Variants in PCNT observed in about 807,000 individuals in gnomAD.
PCNT encodes the protein pericentrin.
In PCNT, 319 loss-of-function variants were observed where a neutral mutation model predicts 380.4. That is an observed-to-expected ratio of 0.84 (90% CI 0.77 to 0.92). The LOEUF (loss-of-function observed/expected upper bound fraction) is 0.92, where lower values mean the gene tolerates loss of function less well. PCNT is among the 40% of genes least tolerant of loss of function. The probability of loss-of-function intolerance (pLI) is 0.00; values close to 1 mark genes in which losing one functional copy is unlikely to be tolerated. For missense variants in PCNT, 4,400 were observed against 4,255.3 expected (o/e 1.03, Z -0.95); for synonymous variants, 1,845 against 1,735.2 (o/e 1.06, Z -1.57).
At chr21:46,353,737 TGTGTGTGTGTGTGTGA>T (rs1402852887) in intron 10 of PCNT, among the ~76,000 whole-genome samples, 7 of 137,494 alleles carry the variant, frequency 5.1e-5, no homozygotes, top group African/African-American at 1.6e-4. Flanking sequence ...TGTGTGTGTG[TGTGTGTGTGTGTGTGA>T]GAGAGACAGA....
intron 1 of PCNT, among the ~76,000 whole-genome samples, chr21:46,325,703 C>T (rs1006090866): frequency 2.6e-5 from 4 of 152,134 alleles, no homozygotes; most frequent in African/African-American, 7.2e-5. Context: ...GATGTGGGAT[C>T]GATCGCATAC....
chr21:46,324,854 C>G (rs1393207155), intron 1 of PCNT: 1 of 984,994 alleles, frequency 1.0e-6, no homozygotes, highest in African/African-American at 1.7e-5. Context: ...TTCGCCTCGT[C>G]CGTCGGAGAT....
At chr21:46,377,594 G>A (rs1034887807) in intron 15 of PCNT, among the ~76,000 whole-genome samples, 1 of 152,136 alleles carries the variant, frequency 6.6e-6, no homozygotes, top group African/African-American at 2.4e-5. Context: ...GAAACCCCCA[G>A]TGGCTCGTGC....
intron 21 of PCNT, among the ~76,000 whole-genome samples, chr21:46,393,449 C>T (rs1001026993): frequency 3.3e-5 from 5 of 152,038 alleles, no homozygotes; most frequent in South Asian, 2.1e-4. Flanking sequence ...CTCTGCTGTC[C>T]GGGGGCAGCC....
chr21:46,346,751 T>C lies in PCNT; in HGVS notation c.729T>C (p.His243=). 6.3e-7 allele frequency: 1 copy of C among 1,598,006 alleles called. No homozygotes were observed. The highest frequency in any genetic ancestry group is 8.5e-7 in the Non-Finnish European group (1 of 1,173,488). ...CCTTTTCTCCGCCGCAGGCCGTGCATGGCCTTGAGCTGGAGGCGCTGCGCC... is the reference window on the plus strand; with the variant it reads ...CCTTTTCTCCGCCGCAGGCCGTGCACGGCCTTGAGCTGGAGGCGCTGCGCC... ...EAGLHQSQAV[H]GLELEALRLS... Residue 243 remains histidine (H), a synonymous_variant, in exon 5 of 47, where the codon CAT becomes CAC. Coordinates refer to ENST00000359568, the MANE Select transcript of PCNT (RefSeq NM_006031.6).
chr21:46,364,205 G>A (rs575860557), intron 14 of PCNT, among the ~76,000 whole-genome samples: 12 of 149,892 alleles, frequency 8.0e-5, no homozygotes, highest in South Asian at 6.4e-4. Context: ...AGCAGTCGCC[G>A]TCCCGGAGCC....
chr21:46,375,502 T>C (rs1007805210), intron 15 of PCNT, among the ~76,000 whole-genome samples: 4 of 152,240 alleles, frequency 2.6e-5, no homozygotes, highest in African/African-American at 9.6e-5. Flanking sequence ...ACGTCTTTTT[T>C]GATACTGACC....
chr21:46,324,552 T>TGCGCC lies in PCNT; in HGVS notation c.54+271_54+275dup, dbSNP rs372787762. Among the ~76,000 whole-genome samples, 75,833 of 147,466 alleles carry TGCGCC rather than the reference T, an allele frequency of 0.51. 20,576 individuals are homozygous for TGCGCC. Among genetic ancestry groups the TGCGCC allele is most frequent in the African/African-American group, 0.66 (26,773 of 40,744 alleles). The stretch of plus-strand genomic sequence containing the variant: ...CCTCTCGGGCGGGCCGGGGCGGGGC[T>TGCGCC]GCGCCTGCGTCGGGGGGGGTGGGGC... On this transcript the variant is annotated intron_variant, in intron 1 of 46. Transcript: ENST00000359568.
At chr21:46,434,766 G>A (rs901840905) in intron 38 of PCNT, among the ~76,000 whole-genome samples, 1 of 152,228 alleles carries the variant, frequency 6.6e-6, no homozygotes, top group Non-Finnish European at 1.5e-5. Flanking sequence ...CCCCAGGGCT[G>A]CACTCAGGCT....
chr21:46,381,236 GTGTGTGTGTA>G (rs1197718643), intron 15 of PCNT, among the ~76,000 whole-genome samples: 7 of 115,132 alleles, frequency 6.1e-5, no homozygotes, highest in East Asian at 4.6e-4. Context: ...GTGTGTGTGT[GTGTGTGTGTA>G]TAGAATTCAT....
Position 46,418,507 on chromosome 21 carries a change from T to C in PCNT, c.7024+201T>C, listed in dbSNP as rs60124276. ...CCTGTACCTTTCACAGAGCCAAGGT[T>C]GCTGGCCCGGGCCACGCTCCACCCT... On this transcript the variant is annotated intron_variant, in intron 31 of 46. Coordinates refer to ENST00000359568, the MANE Select transcript of PCNT (RefSeq NM_006031.6). Among the ~76,000 whole-genome samples, 26,947 of 152,204 alleles carry C rather than the reference T, an allele frequency of 0.18. 4,406 individuals are homozygous for C. Among genetic ancestry groups the C allele is most frequent in the African/African-American group, 0.43 (18,022 of 41,510 alleles).
chr21:46,414,888 C>T (rs2086960936), intron 29 of PCNT, among the ~76,000 whole-genome samples: 1 of 152,134 alleles, frequency 6.6e-6, no homozygotes, highest in Non-Finnish European at 1.5e-5. Flanking sequence ...AGCCACCCAC[C>T]CTGCTCTTCC....
At chr21:46,376,827 GAAGT>G (rs1478544038) in intron 15 of PCNT, among the ~76,000 whole-genome samples, 1 of 152,232 alleles carries the variant, frequency 6.6e-6, no homozygotes, top group Non-Finnish European at 1.5e-5. Context: ...GCACAGCTCA[GAAGT>G]TAATCTTAAG....
intron 38 of PCNT, among the ~76,000 whole-genome samples, chr21:46,433,400 T>C (rs959188785): frequency 6.6e-6 from 1 of 151,994 alleles, no homozygotes; most frequent in Admixed American, 6.6e-5. Context: ...ACAAAAACAC[T>C]CTTTGGAATA....
In PCNT at chr21:46,385,907, C is replaced by T. The variant is rs150619117; in HGVS notation, c.3388C>T (p.Arg1130Trp). ...CGAGTTGGAGGTGCTGCAGCAGAGGCGGGAGCGGGAGAACCGGGAAGGCGC... is the reference window on the plus strand; with the variant it reads ...CGAGTTGGAGGTGCTGCAGCAGAGGTGGGAGCGGGAGAACCGGGAAGGCGC... ...RSELEVLQQR[R>W]ERENREGANL... Residue 1130 changes from arginine to tryptophan, a missense_variant, in exon 17 of 47, where the codon CGG (arginine) becomes TGG (tryptophan). By Grantham distance (101) the Arg-to-Trp change is moderately radical (BLOSUM62 -3). Coordinates refer to ENST00000359568, the MANE Select transcript of PCNT (RefSeq NM_006031.6). 9 of 1,614,032 alleles carry T rather than the reference C, an allele frequency of 5.6e-6. No homozygotes were observed. The highest frequency in any genetic ancestry group is 6.8e-6 in the Non-Finnish European group (8 of 1,179,994).
In PCNT at chr21:46,349,727, G is replaced by A; in HGVS notation, c.1251G>A (p.Glu417=). ...NLESHHQAAI[E]KLREDLQSEH... ...AGAGTCATCATCAAGCAGCCATTGAGAAGTTACGTGAAGACCTGCAGTCCG... is the reference window on the plus strand; with the variant it reads ...AGAGTCATCATCAAGCAGCCATTGAAAAGTTACGTGAAGACCTGCAGTCCG... Residue 417 remains glutamate (E), a synonymous_variant, in exon 8 of 47, where the codon GAG becomes GAA. Transcript: ENST00000359568. 1 of 1,613,950 alleles carries A rather than the reference G, an allele frequency of 6.2e-7. No individual in the cohort carries two copies. Among genetic ancestry groups the A allele is most frequent in the Non-Finnish European group, 8.5e-7 (1 of 1,179,782 alleles).
intron 13 of PCNT, among the ~76,000 whole-genome samples, chr21:46,360,076 C>G (rs2084648963): frequency 1.3e-5 from 2 of 151,914 alleles, no homozygotes; most frequent in South Asian, 4.2e-4. Flanking sequence ...AGGCTGGTCT[C>G]AAGCTCTTGG....
intron 17 of PCNT, among the ~76,000 whole-genome samples, chr21:46,386,741 G>A (rs1250337756): frequency 6.6e-6 from 1 of 152,242 alleles, no homozygotes; most frequent in Non-Finnish European, 1.5e-5. Context: ...TCACCTCACA[G>A]GGTTTTAAGT....
chr21:46,348,766 C>T (rs902346976), intron 6 of PCNT, among the ~76,000 whole-genome samples: 3 of 152,020 alleles, frequency 2.0e-5, no homozygotes, highest in African/African-American at 7.3e-5. Flanking sequence ...AGTTGCATGC[C>T]ACCACATCCC....
Sources: allele counts gnomAD v4.1 joint callset (sites outside exome capture counted in the v4.1 genomes callset), GRCh38; gene constraint gnomAD v4.1.1; transcripts MANE v1.5; gene names NCBI Gene and HGNC (gene_info 2026-07-23, HGNC 2026-07-21).